COL5A3: variants seen among roughly 807,000 people sequenced by gnomAD.
The protein encoded by COL5A3 is collagen type V alpha 3 chain.
COL5A3 carries 172 observed loss-of-function variants against 250.0 expected under a neutral mutation model. The ratio of observed to expected loss-of-function variants is 0.69; its 90% CI spans 0.61 to 0.78. The LOEUF is 0.78. Among genes scored for constraint, COL5A3 ranks in the 30% least tolerant of loss-of-function variants. The probability of loss-of-function intolerance (pLI) is 0.00; values close to 1 mark genes in which losing one functional copy is unlikely to be tolerated. For synonymous variants in COL5A3, 937 were observed against 900.4 expected (o/e 1.04, Z -0.73); for missense variants, 2,340 against 2,334.4 (o/e 1.00, Z -0.05).
intron 27 of COL5A3, among the ~76,000 whole-genome samples, 172 bp downstream of exon 27, chr19:9,988,952 A>C (rs1599555374): frequency 6.6e-6 from 1 of 152,186 alleles, no homozygotes; most frequent in East Asian, 1.9e-4. Flanking sequence ...ACAAGGTGAC[A>C]ACCACACTGT....
chr19:9,966,668 G>C lies in COL5A3; in HGVS notation c.4537C>G (p.Leu1513Val), dbSNP rs2086751880. 6.5e-7 allele frequency: 1 copy of C among 1,538,320 alleles called. No homozygotes were observed. Among genetic ancestry groups the C allele is most frequent in the Non-Finnish European group, 8.7e-7 (1 of 1,147,432 alleles). ...GTGAGCGAGGCCAGCACCTCCTCCAGGCCGCCCTCCACGACTGGAAGCGGG... is the reference window on the plus strand; with the variant it reads ...GTGAGCGAGGCCAGCACCTCCTCCACGCCGCCCTCCACGACTGGAAGCGGG... ...PVPLPVVEGG[L>V]EEVLASLTSL... is the part of the protein sequence containing the mutation. The change falls in exon 63 of 67, where the codon CTG becomes GTG. Residue 1513 changes from leucine to valine, a missense_variant. Transcript: ENST00000264828.
intron 8 of COL5A3, among the ~76,000 whole-genome samples, chr19:9,999,508 C>T (rs1037932804): frequency 2.7e-5 from 4 of 145,594 alleles, no homozygotes; most frequent in African/African-American, 1.1e-4. Flanking sequence ...CCCTCTCGCG[C>T]CCAGGCTGAA....
In COL5A3 at chr19:9,960,085, T is replaced by G; in HGVS notation, c.*326A>C. ...AGGCAGGCATTGGGGGTGGGGGGGC[T>G]TTTGTTCATCAGCTCTGAGTTAGAA... On this transcript the variant is annotated 3_prime_UTR_variant, in exon 67 of 67. Coordinates refer to ENST00000264828, the MANE Select transcript of COL5A3 (RefSeq NM_015719.4). 1 of 303,970 alleles carries G rather than the reference T, an allele frequency of 3.3e-6. No homozygotes were observed. Among genetic ancestry groups the G allele is most frequent in the Non-Finnish European group, 6.3e-6 (1 of 159,302 alleles). The allele number at this position is 303,970 out of a possible 1,614,324, so 18.8% of individuals were successfully genotyped here.
chr19:9,998,116 C>T lies in COL5A3; in HGVS notation c.1144G>A (p.Ala382Thr), dbSNP rs868272221. 1.1e-5 allele frequency: 18 copies of T among 1,613,760 alleles called. No individual in the cohort carries two copies. Among genetic ancestry groups the T allele is most frequent in the East Asian group, 2.2e-5 (1 of 44,894 alleles). The change falls in exon 9 of 67, where the codon GCA becomes ACA. Residue 382 changes from alanine (A) to threonine (T), a missense_variant. Ala to Thr is a moderately conservative substitution (Grantham distance 58). This residue lies in a region of COL5A3 where 1,152 missense variants were observed against 1,146.3 expected (regional missense o/e 1.00). Transcript: ENST00000264828. ...AGEKGAKGEPAVIEKGQQFEG... is the reference protein window; with the variant it reads ...AGEKGAKGEPTVIEKGQQFEG... ...AGACCCCTCACCTTTTCAATCACTG[C>T]GGGCTCTCCTTTTGCTCCTTTCTCT...
At chr19:9,974,073 C>T (rs1379480716) in intron 47 of COL5A3, 98 bp downstream of exon 47, 2 of 1,523,726 alleles carry the variant, frequency 1.3e-6, no homozygotes, top group Non-Finnish European at 1.8e-6. Flanking sequence ...ACCCTCAGGG[C>T]CCTTAAAATG....
At position 9,968,317 on chromosome 19, in the gene COL5A3, A is replaced by C; in HGVS notation, c.4314+68T>G. ...TCCAGACCCACGTTTCCCAGACCCC[A>C]CACCCACAGTCTCTCAACCGACCCC... On this transcript the variant is annotated intron_variant, in intron 59 of 66. Coordinates refer to ENST00000264828, the MANE Select transcript of COL5A3 (RefSeq NM_015719.4). This position sits in a 1 kb window ranked among gnomAD's most constrained non-coding sequence, Gnocchi z 4.1. The C allele has an allele frequency of 7.5e-7, 1 of 1,325,170 alleles. No homozygotes were observed. Among genetic ancestry groups the C allele is most frequent in the Non-Finnish European group, 1.1e-6 (1 of 943,212 alleles). The allele number at this position is 1,325,170 out of a possible 1,614,324, so 82.1% of individuals were successfully genotyped here.
chr19:9,970,369 TGGGGTAAGCGGGGGCTGTG>T (rs2145066688), intron 54 of COL5A3, among the ~76,000 whole-genome samples: 10 of 77,792 alleles, frequency 1.3e-4, no homozygotes, highest in African/African-American at 4.1e-4. Flanking sequence ...GTGGGGTCTG[TGGGGTAAGCGGGGGCTGTG>T]GGGTGAGTGG....
intron 65 of COL5A3, among the ~76,000 whole-genome samples, chr19:9,961,204 C>T (rs1315153737): frequency 6.6e-6 from 1 of 152,180 alleles, no homozygotes; most frequent in Non-Finnish European, 1.5e-5. Flanking sequence ...TCTGCCTCCA[C>T]TCTTGTGAGT....
At chr19:10,006,387 GC>G (rs755056187) in intron 1 of COL5A3, among the ~76,000 whole-genome samples, 156 bp from the exon 2 acceptor site, 20 of 151,780 alleles carry the variant, frequency 1.3e-4, no homozygotes, top group Non-Finnish European at 2.6e-4. Flanking sequence ...GCCGGCCTGG[GC>G]CCCCAGCACC....
In COL5A3 at chr19:9,976,596, G is replaced by T; in HGVS notation, c.3304C>A (p.Pro1102Thr). The part of the protein sequence containing the change: ...DKGDAGPPGQ[P>T]GIRGPAGHPG... ...TGTCCTGCAGGACCCCGTATCCCTG[G>T]TTGTCCAGGTGGGCCCTGGGAGAAC... The change falls in exon 45 of 67, where the codon CCA becomes ACA. Residue 1102 changes from proline (P) to threonine (T), a missense_variant. Coordinates refer to ENST00000264828, the MANE Select transcript of COL5A3 (RefSeq NM_015719.4). The T allele has an allele frequency of 1.3e-6, 2 of 1,569,828 alleles. No individual in the cohort carries two copies. The highest frequency in any genetic ancestry group is 2.8e-5 in the African/African-American group (2 of 72,084).
intron 13 of COL5A3, 38 bp from the exon 14 acceptor site, chr19:9,996,300 C>A: frequency 6.5e-7 from 1 of 1,547,962 alleles, no homozygotes; most frequent in Non-Finnish European, 8.7e-7. Flanking sequence ...GGGCCTCCCA[C>A]AAGACCCCCA....
intron 1 of COL5A3, 133 bp from the exon 2 acceptor site, chr19:10,006,364 T>G: frequency 1.1e-6 from 1 of 900,500 alleles, no homozygotes; most frequent in Non-Finnish European, 1.6e-6. Context: ...TGTTTGTGGC[T>G]CAGGAAGAAG....
intron 8 of COL5A3, among the ~76,000 whole-genome samples, chr19:9,999,154 TC>T (rs2087317238): frequency 6.7e-6 from 1 of 148,618 alleles, no homozygotes; most frequent in Non-Finnish European, 1.5e-5. Flanking sequence ...CTTCCTTCCT[TC>T]CTTCCTTCCT....
intron 1 of COL5A3, among the ~76,000 whole-genome samples, chr19:10,008,222 C>T (rs1014926626): frequency 5.9e-5 from 9 of 152,128 alleles, no homozygotes; most frequent in African/African-American, 1.9e-4. Context: ...TCCCCTGACC[C>T]GCACCCTAAC....
In COL5A3 at chr19:9,974,425, AG is replaced by A; in HGVS notation, c.3343-18del. ...GTCTGCTCCCTGGAAGAACACAAAC[AG>A]GGGCACATTTAAGGTCTGGGTCAGT... is the stretch of plus-strand genomic sequence containing the variant. On this transcript the variant is annotated intron_variant, in intron 45 of 66. Coordinates refer to ENST00000264828, the MANE Select transcript of COL5A3 (RefSeq NM_015719.4). 6.4e-7 allele frequency: 1 copy of A among 1,557,788 alleles called. No homozygotes were observed. The highest frequency in any genetic ancestry group is 8.7e-7 in the Non-Finnish European group (1 of 1,152,936).
Position 9,974,213 on chromosome 19 carries a change from G to A in COL5A3, c.3462C>T (p.Gly1154=), listed in dbSNP as rs1283428403. 6.2e-7 allele frequency: 1 copy of A among 1,613,774 alleles called. No individual in the cohort carries two copies. Among genetic ancestry groups the A allele is most frequent in the African/African-American group, 1.3e-5 (1 of 74,968 alleles). ...CGACCTCCCCTTTCTCTCCCGGAGG[G>A]CCTGGCAGCCCCTGTGGAACAAAGA... ...IGPPGLQGLP[G]PPGEKGEVGD... Residue 1154 remains glycine, a synonymous_variant, in exon 47 of 67, where the codon GGC becomes GGT. Coordinates refer to ENST00000264828, the MANE Select transcript of COL5A3 (RefSeq NM_015719.4).
In COL5A3 at chr19:10,001,108, A is replaced by T. The variant is rs181926352; in HGVS notation, c.1110+416T>A. ...CTGAACTTAAGATAAAAGTTTTTTT[A>T]AAAAAAGAAAAAATTAAATTAAATA... On this transcript the variant is annotated intron_variant, in intron 8 of 66. Transcript: ENST00000264828. 1.5e-3 allele frequency among the ~76,000 whole-genome samples: 234 copies of T among 152,260 alleles called. 2 individuals are homozygous for T. The highest frequency in any genetic ancestry group is 2.4e-3 in the Admixed American group (37 of 15,296).
At chr19:10,003,503 A>G in intron 6 of COL5A3, 62 bp downstream of exon 6, 1 of 1,533,074 alleles carries the variant, frequency 6.5e-7, no homozygotes, top group Non-Finnish European at 9.0e-7. Flanking sequence ...ACCAGAAGTC[A>G]GACAGTCAAG....
intron 51 of COL5A3, 88 bp downstream of exon 51, chr19:9,972,831 T>A (rs549055654): frequency 3.5e-6 from 3 of 866,170 alleles, no homozygotes; most frequent in East Asian, 5.9e-5. Context: ...CAAGACTCCA[T>A]CTCAAAAAAA....
Sources: gnomAD v4.1 joint callset for allele counts (sites outside exome capture counted in the v4.1 genomes callset) on GRCh38, gnomAD v4.1.1 for gene constraint, gnomAD v4.1.1 regional missense constraint, Gnocchi (gnomAD v3.1) non-coding constraint, MANE v1.5 for transcripts, NCBI Gene and HGNC (gene_info 2026-07-23, HGNC 2026-07-21) for gene names.